Variants in LNPEP observed in about 807,000 individuals in gnomAD.
LNPEP encodes leucyl-cystinyl aminopeptidase.
Under a neutral mutation model 120.6 loss-of-function variants are expected in LNPEP, and 64 were observed. That is an observed-to-expected ratio of 0.53 (90% CI 0.43 to 0.65). The LOEUF (loss-of-function observed/expected upper bound fraction) is 0.65, where lower values mean the gene tolerates loss of function less well. Among genes scored for constraint, LNPEP ranks in the 30% least tolerant of loss-of-function variants. LNPEP has a pLI of 0.00. For missense variants in LNPEP, 1,057 were observed against 1,200.0 expected, an observed-to-expected ratio of 0.88 and a Z score of 1.76; for synonymous variants, 435 against 425.4, an observed-to-expected ratio of 1.02 and a Z score of -0.28.
In LNPEP at chr5:96,986,550, C is replaced by A; in HGVS notation, c.1011C>A (p.Val337=). The A allele has an allele frequency of 1.2e-6, 2 of 1,612,740 alleles. No homozygotes were observed. The highest frequency in any genetic ancestry group is 2.2e-5 in the South Asian group (2 of 90,890). ...ALSNMPKKSS[V]VLDDGLVQDE... ...CCCTTTGCTTGTAGAAGTCATCAGTCGTTCTAGATGATGGACTTGTTCAGG... is the reference window on the plus strand; with the variant it reads ...CCCTTTGCTTGTAGAAGTCATCAGTAGTTCTAGATGATGGACTTGTTCAGG... Residue 337 remains valine (V), a synonymous_variant, in exon 4 of 18, where the codon GTC becomes GTA. Transcript: ENST00000231368.
intron 6 of LNPEP, among the ~76,000 whole-genome samples, chr5:96,995,677 C>T (rs1178835571): frequency 1.3e-5 from 2 of 152,116 alleles, no homozygotes; most frequent in Non-Finnish European, 2.9e-5. Context: ...AACAGGCATA[C>T]ATCACCATGC....
At chr5:97,018,045 CATCTT>C (rs1007214526) in intron 13 of LNPEP, among the ~76,000 whole-genome samples, 4 of 152,110 alleles carry the variant, frequency 2.6e-5, no homozygotes, top group Non-Finnish European at 5.9e-5. Context: ...AGTATGACCT[CATCTT>C]AACTTGATTG....
At chr5:96,979,002 T>A in intron 1 of LNPEP, 136 bp from the exon 2 acceptor site, 1 of 895,094 alleles carries the variant, frequency 1.1e-6, no homozygotes, top group Non-Finnish European at 1.6e-6. Flanking sequence ...ATTCAGTAGC[T>A]CTGAGATGGA....
intron 9 of LNPEP, 21 bp from the exon 10 acceptor site, chr5:97,006,046 TTATATA>T: frequency 3.6e-5 from 25 of 702,248 alleles, no homozygotes; most frequent in Non-Finnish European, 4.2e-5. Context: ...GGAAAAAGTT[TTATATA>T]TATATATATA....
intron 1 of LNPEP, among the ~76,000 whole-genome samples, chr5:96,963,209 A>G (rs1789647309): frequency 6.6e-6 from 1 of 152,232 alleles, no homozygotes; most frequent in Non-Finnish European, 1.5e-5. Flanking sequence ...TAAGAATAGT[A>G]TACCAAAACA....
Position 96,947,078 on chromosome 5 carries a change from C to T in LNPEP, c.19+10904C>T, listed in dbSNP as rs571482741. 7.2e-5 allele frequency among the ~76,000 whole-genome samples: 11 copies of T among 152,130 alleles called. No homozygotes were observed. In the South Asian group the frequency reaches 2.3e-3, roughly 32 times the overall value. ...CGAATTGATGGAATTTAAAAGTAAACTTTTTATCTTTAGATCTTGTGAAAG... is the reference window on the plus strand; with the variant it reads ...CGAATTGATGGAATTTAAAAGTAAATTTTTTATCTTTAGATCTTGTGAAAG... On this transcript the variant is annotated intron_variant, in intron 1 of 17. Transcript: ENST00000231368.
intron 1 of LNPEP, among the ~76,000 whole-genome samples, chr5:96,941,319 G>C (rs1403095349): frequency 6.6e-6 from 1 of 152,166 alleles, no homozygotes; most frequent in Non-Finnish European, 1.5e-5. Flanking sequence ...CACTCCTGCT[G>C]TGTGGCCTGA....
chr5:96,986,467 A>T, intron 3 of LNPEP, 72 bp from the exon 4 acceptor site: 3 of 1,416,090 alleles, frequency 2.1e-6, no homozygotes, highest in Non-Finnish European at 2.9e-6. Flanking sequence ...TTGAATTTTC[A>T]GTTTCTCAGT....
rs550951440 is a variant in LNPEP, at chr5:96,938,224, A to G, written c.19+2050A>G. Among the ~76,000 whole-genome samples the G allele has an allele frequency of 1.2e-4, 18 of 152,374 alleles. No homozygotes were observed. The East Asian group carries it at 3.5e-3, about 29-fold the overall frequency. On this transcript the variant is annotated intron_variant, in intron 1 of 17. Coordinates refer to ENST00000231368, the MANE Select transcript of LNPEP (RefSeq NM_005575.3). ...CTTCATCCTTTTGAGTACAAAAAAT[A>G]ATGCATGTATAATGCTCCCATTGGT...
chr5:97,019,532 G>T (rs745551594), intron 13 of LNPEP, among the ~76,000 whole-genome samples: 6 of 152,062 alleles, frequency 3.9e-5, no homozygotes, highest in Non-Finnish European at 8.8e-5. Flanking sequence ...TTGAGAACTT[G>T]CCTTAATGAT....
chr5:97,019,899 A>G (rs27993), intron 13 of LNPEP, among the ~76,000 whole-genome samples: 95,204 of 151,932 alleles, frequency 0.63, 29,978 homozygotes, highest in Middle Eastern at 0.73. Context: ...ACACCACATA[A>G]CAATGCAGTT....
chr5:96,993,048 C>A lies in LNPEP; in HGVS notation c.1165C>A (p.Gln389Lys), dbSNP rs202095384. Residue 389 changes from glutamine to lysine, a missense_variant, in exon 5 of 18, where the codon CAA (glutamine) becomes AAA (lysine). Transcript: ENST00000231368. Reference sequence around the variant, plus strand: ...ATATGCTGTACCAGAAAAGATTGGTCAAGTTCATTATGCCTTGGAAACAAC... The same window carrying A: ...ATATGCTGTACCAGAAAAGATTGGTAAAGTTCATTATGCCTTGGAAACAAC... ...SIYAVPEKIG[Q>K]VHYALETTVK... The A allele has an allele frequency of 6.3e-7, 1 of 1,597,196 alleles. No individual in the cohort carries two copies. The highest frequency in any genetic ancestry group is 2.2e-5 in the East Asian group (1 of 44,686).
intron 3 of LNPEP, 64 bp from the exon 4 acceptor site, chr5:96,986,475 A>G (rs989652262): frequency 6.8e-6 from 10 of 1,472,270 alleles, no homozygotes; most frequent in Admixed American, 5.7e-5. Context: ...TCAGTTTCTC[A>G]GTTTGTTTGT....
intron 6 of LNPEP, 183 bp from the exon 7 acceptor site, chr5:96,996,207 A>G (rs1323229613): frequency 2.3e-6 from 1 of 429,510 alleles, no homozygotes; most frequent in Non-Finnish European, 4.1e-6. Flanking sequence ...TTTAAAGTAA[A>G]TTTATACAAC....
rs1582042444 is a variant in LNPEP at position 97,032,971 on chromosome 5, T to C, written c.*4438T>C. The C allele has an allele frequency of 6.6e-6, 1 of 152,242 alleles. No individual in the cohort carries two copies. Among genetic ancestry groups the C allele is most frequent in the East Asian group, 1.9e-4 (1 of 5,204 alleles). 9.4% of individuals were successfully genotyped at this position (152,242 alleles called of 1,614,324 possible). A position where few individuals can be genotyped will look rare whatever the true frequency, so the allele number is the denominator to read the frequency against. On this transcript the variant is annotated 3_prime_UTR_variant, in exon 18 of 18. Coordinates refer to ENST00000231368, the MANE Select transcript of LNPEP (RefSeq NM_005575.3). ...ACTTGTTTCCTTGTATGGATGCATA[T>C]ATACTTAATGAAAATTGAGGTTCAG...
chr5:96,982,445 C>A (rs932944009), intron 2 of LNPEP, among the ~76,000 whole-genome samples: 3 of 152,190 alleles, frequency 2.0e-5, no homozygotes, highest in Non-Finnish European at 2.9e-5. Flanking sequence ...CAAGCAGCAG[C>A]CTTCTCAAAG....
At chr5:97,026,008 G>T (rs2112674110) in intron 15 of LNPEP, among the ~76,000 whole-genome samples, 1 of 152,202 alleles carries the variant, frequency 6.6e-6, no homozygotes. Context: ...AACTGCTTTT[G>T]TTCAGATGTC....
rs1790994149 is a variant in LNPEP, at chr5:97,013,775, T to C, written c.2163T>C (p.Tyr721=). ...TCCATCAGTTGAAAATAAATCCTTATGTTCTGAGTGACAAAGACCGAGCCA... is the reference window on the plus strand; with the variant it reads ...TCCATCAGTTGAAAATAAATCCTTACGTTCTGAGTGACAAAGACCGAGCCA... ...ALIHQLKINP[Y]VLSDKDRANL... is the part of the protein sequence containing the mutation. Residue 721 remains tyrosine, a synonymous_variant, in exon 12 of 18, where the codon TAT becomes TAC. Transcript: ENST00000231368. 3.7e-6 allele frequency: 6 copies of C among 1,612,150 alleles called. No homozygotes were observed. The Admixed American group carries it at 5.0e-5, about 13-fold the overall frequency.
intron 6 of LNPEP, among the ~76,000 whole-genome samples, chr5:96,995,728 G>A (rs531741276): frequency 1.3e-5 from 2 of 152,028 alleles, no homozygotes; most frequent in Non-Finnish European, 2.9e-5. Context: ...TCTCTATGTT[G>A]CCCATGCTGG....
Sources: gnomAD v4.1 joint callset for allele counts (sites outside exome capture counted in the v4.1 genomes callset) on GRCh38, gnomAD v4.1.1 for gene constraint, MANE v1.5 for transcripts, NCBI Gene and HGNC (gene_info 2026-07-23, HGNC 2026-07-21) for gene names.